The following NEGR1 variants were observed in gnomAD, a reference collection of about 807,000 sequenced individuals.
NEGR1 encodes IgLON family member 4.
NEGR1 carries 10 observed loss-of-function variants against 40.9 expected under a neutral mutation model. That is an observed-to-expected ratio of 0.24 (90% confidence interval 0.15 to 0.42). The LOEUF is 0.42. Among genes scored for constraint, NEGR1 ranks in the 10% least tolerant of loss-of-function variants. The pLI, the probability that NEGR1 is intolerant of heterozygous loss-of-function variation, is 1.00. For missense variants in NEGR1, 352 were observed against 438.9 expected, an observed-to-expected ratio of 0.80 and a Z score of 1.77; for synonymous variants, 185 against 166.8, an observed-to-expected ratio of 1.11 and a Z score of -0.84.
At chr1:72,223,650 T>C (rs1654082919) in intron 1 of NEGR1, among the ~76,000 whole-genome samples, 1 of 152,118 alleles carries the variant, frequency 6.6e-6, no homozygotes, top group Non-Finnish European at 1.5e-5. Context: ...TAACACTAAA[T>C]AGCAAGTGAT....
At chr1:71,576,593 G>A (rs1648973479) in intron 6 of NEGR1, among the ~76,000 whole-genome samples, 1 of 152,172 alleles carries the variant, frequency 6.6e-6, no homozygotes, top group African/African-American at 2.4e-5. Flanking sequence ...CTGTAGTAAA[G>A]ACTACTGGTT....
At position 71,836,708 on chromosome 1, in the gene NEGR1, T is replaced by C. The variant is rs113545200; in HGVS notation, c.410-60411A>G. ...CACTTATATTTTTGCCAGCATTTTA[T>C]GTATGCAGTACTCCTTGCTATTGTT... On this transcript the variant is annotated intron_variant, in intron 2 of 6. Transcript: ENST00000357731. Among the ~76,000 whole-genome samples the C allele has an allele frequency of 4.5e-3, 691 of 152,208 alleles. 2 individuals carry two copies. Among genetic ancestry groups the C allele is most frequent in the African/African-American group, 0.015 (644 of 41,558 alleles).
intron 2 of NEGR1, among the ~76,000 whole-genome samples, chr1:71,855,262 C>G (rs534141378): frequency 1.3e-5 from 2 of 152,102 alleles, no homozygotes; most frequent in East Asian, 1.9e-4. Flanking sequence ...AAATCCCTGA[C>G]CTGCCAAGTG....
intron 2 of NEGR1, among the ~76,000 whole-genome samples, chr1:71,894,932 T>G (rs1458957446): frequency 6.6e-6 from 1 of 152,080 alleles, no homozygotes; most frequent in Non-Finnish European, 1.5e-5. Flanking sequence ...ATTTTTTTTT[T>G]TTTAAAAGGA....
intron 1 of NEGR1, among the ~76,000 whole-genome samples, chr1:72,035,821 A>G (rs1646897036): frequency 6.6e-6 from 1 of 152,188 alleles, no homozygotes; most frequent in Non-Finnish European, 1.5e-5. Flanking sequence ...CCAATTTTAC[A>G]TATGAGTAAA....
At chr1:71,796,267 T>C (rs1657321291) in intron 2 of NEGR1, among the ~76,000 whole-genome samples, 1 of 152,094 alleles carries the variant, frequency 6.6e-6, no homozygotes, top group African/African-American at 2.4e-5. Context: ...TTTCAGCCTG[T>C]GCAAAATGAG....
chr1:71,649,613 C>G (rs146131764), intron 4 of NEGR1, among the ~76,000 whole-genome samples: 269 of 152,148 alleles, frequency 1.8e-3, no homozygotes, highest in Middle Eastern at 3.4e-3. Flanking sequence ...AACATGAAAT[C>G]TAAATTTTTT....
intron 1 of NEGR1, among the ~76,000 whole-genome samples, chr1:72,157,448 C>T (rs1039223139): frequency 6.6e-6 from 1 of 152,088 alleles, no homozygotes; most frequent in Non-Finnish European, 1.5e-5. Flanking sequence ...GCTTTTATGA[C>T]AGTGGGTTCC....
intron 1 of NEGR1, among the ~76,000 whole-genome samples, chr1:72,041,935 T>C (rs1435930882): frequency 4.1e-5 from 6 of 144,828 alleles, no homozygotes; most frequent in Non-Finnish European, 7.6e-5. Context: ...ATATATAATA[T>C]ATATTTGAGA....
At chr1:72,045,764 A>G (rs1000287604) in intron 1 of NEGR1, among the ~76,000 whole-genome samples, 7 of 151,818 alleles carry the variant, frequency 4.6e-5, no homozygotes, top group African/African-American at 1.7e-4. Context: ...ATTGGTAACA[A>G]TATATCAAAT....
intron 6 of NEGR1, among the ~76,000 whole-genome samples, chr1:71,443,936 G>A (rs1432597305): frequency 6.6e-6 from 1 of 152,128 alleles, no homozygotes; most frequent in African/African-American, 2.4e-5. Flanking sequence ...CATTTACATT[G>A]TAAAGAATTG....
intron 2 of NEGR1, among the ~76,000 whole-genome samples, chr1:71,791,575 C>CTGTAATATTTCATAATAA (rs1553165499): frequency 6.6e-6 from 1 of 152,002 alleles, no homozygotes; most frequent in Non-Finnish European, 1.5e-5. Context: ...TTCATAAATA[C>CTGTAATATTTCATAATAA]TGTAATATTT....
intron 1 of NEGR1, among the ~76,000 whole-genome samples, chr1:72,236,039 C>T (rs1476555313): frequency 6.6e-6 from 1 of 151,962 alleles, no homozygotes; most frequent in African/African-American, 2.4e-5. Flanking sequence ...AACCCAAATG[C>T]CCATCAATGA....
chr1:71,988,923 T>TAA (rs10604833), intron 1 of NEGR1, among the ~76,000 whole-genome samples: 2,353 of 82,112 alleles, frequency 0.029, 112 homozygotes, highest in African/African-American at 0.049. Context: ...TATTGGATGT[T>TAA]AAAAAAAAAA....
intron 6 of NEGR1, among the ~76,000 whole-genome samples, chr1:71,529,771 C>T (rs927226799): frequency 2.0e-5 from 3 of 151,056 alleles, no homozygotes; most frequent in African/African-American, 7.3e-5. Context: ...TGCTAATTCA[C>T]CATATATCTC....
At chr1:72,229,498 C>T (rs1358715714) in intron 1 of NEGR1, among the ~76,000 whole-genome samples, 1 of 148,490 alleles carries the variant, frequency 6.7e-6, no homozygotes, top group Non-Finnish European at 1.5e-5. Flanking sequence ...AATATTTATA[C>T]ATTATGTTTT....
intron 3 of NEGR1, among the ~76,000 whole-genome samples, chr1:71,766,172 C>CAAAAA (rs35894619): frequency 9.1e-6 from 1 of 109,956 alleles, no homozygotes. Context: ...GACTCCGTCT[C>CAAAAA]AAAAAAAAAA....
rs564943166 is a variant in NEGR1, at chr1:71,403,958, CCT to C, written c.*3486_*3487del. ...CTTCAATAAATAGTTAAAAACCTGA[CCT>C]CTTTTTAAATCATTTCTGGATTTCA... On this transcript the variant is annotated 3_prime_UTR_variant, in exon 7 of 7. Coordinates refer to ENST00000357731, the MANE Select transcript of NEGR1 (RefSeq NM_173808.3). 1.1e-5 allele frequency: 4 copies of C among 364,944 alleles called. No individual in the cohort carries two copies. Among genetic ancestry groups the C allele is most frequent in the African/African-American group, 8.3e-5 (4 of 48,028 alleles). 22.6% of individuals were successfully genotyped at this position (364,944 alleles called of 1,614,324 possible).
intron 2 of NEGR1, among the ~76,000 whole-genome samples, chr1:71,851,494 T>C (rs887143135): frequency 6.6e-6 from 1 of 152,178 alleles, no homozygotes; most frequent in African/African-American, 2.4e-5. Flanking sequence ...AATAACACTT[T>C]TTAATTCATG....
Sources: allele counts gnomAD v4.1 joint callset (sites outside exome capture counted in the v4.1 genomes callset), GRCh38; gene constraint gnomAD v4.1.1; transcripts MANE v1.5; gene names NCBI Gene and HGNC (gene_info 2026-07-23, HGNC 2026-07-21).